Variants in ZNF808 observed in about 807,000 individuals in gnomAD.
The protein encoded by ZNF808 is zinc finger protein 808.
Under a neutral mutation model 8.7 loss-of-function variants are expected in ZNF808, and 5 were observed. The ratio of observed to expected loss-of-function variants is 0.58; its 90% CI spans 0.30 to 1.21. The LOEUF is 1.21. Among genes scored for constraint, ZNF808 ranks in the 50% most tolerant of loss-of-function variants. ZNF808 has a pLI of 0.07. For synonymous variants in ZNF808, 380 were observed against 366.0 expected, an observed-to-expected ratio of 1.04 and a Z score of -0.44; for missense variants, 1,103 against 1,098.4, an observed-to-expected ratio of 1.00 and a Z score of -0.06.
chr19:52,550,531 ATT>A (rs35082576), intron 4 of ZNF808, among the ~76,000 whole-genome samples: 35 of 142,390 alleles, frequency 2.5e-4, no homozygotes, highest in Admixed American at 2.8e-4. Context: ...TGTCCGGGCT[ATT>A]TTTTTTTTTT....
At chr19:52,532,541 G>C (rs422195) in intron 1 of ZNF808, among the ~76,000 whole-genome samples, 48,330 of 152,030 alleles carry the variant, frequency 0.32, 8,418 homozygotes, top group East Asian at 0.5. Flanking sequence ...TTTGTGTACA[G>C]TAGATATTGT....
chr19:52,536,519 G>T (rs1400802559), intron 2 of ZNF808, among the ~76,000 whole-genome samples: 4 of 152,104 alleles, frequency 2.6e-5, no homozygotes, highest in East Asian at 3.9e-4. Context: ...CCCCCTCGTG[G>T]TGGGCCCTGC....
downstream of ZNF808, among the ~76,000 whole-genome samples, chr19:52,560,942 G>A (rs1174433915): frequency 2.0e-5 from 3 of 151,890 alleles, no homozygotes; most frequent in Non-Finnish European, 4.4e-5. Flanking sequence ...ATTTCCCCAT[G>A]AGCCCCTCCC....
At position 52,554,248 on chromosome 19, in the gene ZNF808, A is replaced by G. The variant is rs1449193369; in HGVS notation, c.1332A>G (p.Arg444=). 2 of 1,613,636 alleles carry G rather than the reference A, an allele frequency of 1.2e-6. No homozygotes were observed. Among genetic ancestry groups the G allele is most frequent in the Non-Finnish European group, 1.7e-6 (2 of 1,179,694 alleles). Residue 444 remains arginine (R), a synonymous_variant, in exon 5 of 5, where the codon AGA becomes AGG. Transcript: ENST00000359798. ...TCAGTCAGAAATCAACCCTTGAGAG[A>G]CATAAGAGAATTCATACTGGAGAGA... ...KVFSQKSTLE[R]HKRIHTGEKP... is the part of the protein sequence containing the mutation.
intron 3 of ZNF808, among the ~76,000 whole-genome samples, chr19:52,543,565 A>G (rs1300918526): frequency 6.6e-6 from 1 of 152,172 alleles, no homozygotes; most frequent in African/African-American, 2.4e-5. Flanking sequence ...GAACTTGGGA[A>G]GAGGCTCCAC....
chr19:52,555,968 T>G lies in ZNF808; in HGVS notation c.*340T>G, dbSNP rs779607276. 2.0e-5 allele frequency: 13 copies of G among 638,182 alleles called. No individual in the cohort carries two copies. The highest frequency in any genetic ancestry group is 3.6e-5 in the Non-Finnish European group (12 of 331,806). The allele number at this position is 638,182 out of a possible 1,614,324, so 39.5% of individuals were successfully genotyped here. A position where few individuals can be genotyped will look rare whatever the true frequency, so the allele number is the denominator to read the frequency against. ...CTGGACAGAAATCTTGCAAATGTCA[T>G]CAGTGTGGCAAGGTCTTCAGTCCGA... On this transcript the variant is annotated 3_prime_UTR_variant, in exon 5 of 5. Transcript: ENST00000359798.
Position 52,554,692 on chromosome 19 carries a change from G to T in ZNF808, c.1776G>T (p.Glu592Asp), listed in dbSNP as rs2059816607. ...GTCATCGTAGACTTCATACTGGAGA[G>T]AAACCTTACAAATGTGAAGCATGTG... ...LSRHRRLHTG[E>D]KPYKCEACDK... Residue 592 changes from glutamate to aspartate, a missense_variant, in exon 5 of 5, where the codon GAG becomes GAT. Glu to Asp is a conservative substitution (Grantham distance 45). Coordinates refer to ENST00000359798, the MANE Select transcript of ZNF808 (RefSeq NM_001039886.4). The T allele has an allele frequency of 6.2e-7, 1 of 1,614,028 alleles. No homozygotes were observed. The highest frequency in any genetic ancestry group is 8.5e-7 in the Non-Finnish European group (1 of 1,179,958).
chr19:52,535,174 AC>A (rs1309554087), intron 2 of ZNF808, among the ~76,000 whole-genome samples: 11 of 151,590 alleles, frequency 7.3e-5, no homozygotes, highest in African/African-American at 2.4e-4. Flanking sequence ...TACTAAAAAT[AC>A]AAAAAATTAG....
At chr19:52,543,480 A>G (rs779514847) in intron 3 of ZNF808, 133 bp downstream of exon 3, 54 of 1,325,114 alleles carry the variant, frequency 4.1e-5, no homozygotes, top group South Asian at 5.8e-5. Flanking sequence ...TGACACGTTC[A>G]CTTGCACTCA....
At chr19:52,545,909 C>T (rs1203268539) in intron 3 of ZNF808, among the ~76,000 whole-genome samples, 1 of 152,098 alleles carries the variant, frequency 6.6e-6, no homozygotes, top group African/African-American at 2.4e-5. Flanking sequence ...CTAGATAAAC[C>T]CGTGTCAGTT....
At chr19:52,540,944 TTTTGTTTG>T (rs1306898355) in intron 2 of ZNF808, among the ~76,000 whole-genome samples, 1 of 152,006 alleles carries the variant, frequency 6.6e-6, no homozygotes, top group East Asian at 1.9e-4. Context: ...GTCCTGGAAT[TTTTGTTTG>T]TTTGTTTGTT....
intron 1 of ZNF808, among the ~76,000 whole-genome samples, chr19:52,529,577 T>C (rs889967998): frequency 7.2e-5 from 11 of 152,200 alleles, no homozygotes; most frequent in Admixed American, 5.2e-4. Context: ...GAGGTTATGT[T>C]CCACTTGGAA....
downstream of ZNF808, among the ~76,000 whole-genome samples, chr19:52,567,668 G>A (rs1041991379): frequency 1.8e-4 from 28 of 151,632 alleles, no homozygotes; most frequent in African/African-American, 6.8e-4. Flanking sequence ...GGGACTACAG[G>A]CTCATGCCAC....
At chr19:52,544,694 G>C (rs1391846640) in intron 3 of ZNF808, among the ~76,000 whole-genome samples, 1 of 151,984 alleles carries the variant, frequency 6.6e-6, no homozygotes, top group East Asian at 1.9e-4. Flanking sequence ...ATCAAAGCTT[G>C]CTTTAGCCTT....
chr19:52,539,184 A>ATTTTTTTTTTTTTT (rs3049209), intron 2 of ZNF808, among the ~76,000 whole-genome samples: 1 of 117,754 alleles, frequency 8.5e-6, no homozygotes, highest in Non-Finnish European at 1.8e-5. Context: ...TCTTCATTTC[A>ATTTTTTTTTTTTTT]TTTTTTTTTT....
In ZNF808 at chr19:52,543,292, G is replaced by T; in HGVS notation, c.8G>T (p.Arg3Leu). 1 of 1,613,654 alleles carries T rather than the reference G, an allele frequency of 6.2e-7. No homozygotes were observed. Among genetic ancestry groups the T allele is most frequent in the Non-Finnish European group, 8.5e-7 (1 of 1,179,770 alleles). Residue 3 changes from arginine to leucine, a missense_variant, in exon 3 of 5, where the codon CGT (arginine) becomes CTT (leucine). Transcript: ENST00000359798. Reference sequence around the variant, plus strand: ...ATTGATTTCTAAAGACTCATGTTACGTGAGGAAGCAGCTCAGAAGAGGAAA... The same window carrying T: ...ATTGATTTCTAAAGACTCATGTTACTTGAGGAAGCAGCTCAGAAGAGGAAA... The part of the protein sequence containing the change: ML[R>L]EEAAQKRKGK...
rs2059804052 is a variant in ZNF808 at position 52,553,879 on chromosome 19, C to G, written c.963C>G (p.Gly321=). The change falls in exon 5 of 5, where the codon GGC becomes GGG. Residue 321 remains glycine (G), a synonymous_variant. Transcript: ENST00000359798. ...GVKPYKCNEC[G]KVFRQNSALV... ...AACCTTACAAGTGTAATGAGTGTGG[C>G]AAGGTCTTTCGTCAAAATTCAGCCC... 12 of 1,613,858 alleles carry G rather than the reference C, an allele frequency of 7.4e-6. No individual in the cohort carries two copies. Among genetic ancestry groups the G allele is most frequent in the Non-Finnish European group, 9.3e-6 (11 of 1,180,008 alleles).
chr19:52,553,976 C>A lies in ZNF808; in HGVS notation c.1060C>A (p.Gln354Lys), dbSNP rs2059805445. ...TAATGAATGTGGCAAGGCTTTTAAT[C>A]AACAATCACACCTTTCACGCCATCA... ...KCNECGKAFN[Q>K]QSHLSRHQRL... The change falls in exon 5 of 5, where the codon CAA (glutamine) becomes AAA (lysine). Residue 354 changes from glutamine to lysine, a missense_variant. Gln to Lys is a moderately conservative substitution (Grantham distance 53). Coordinates refer to ENST00000359798, the MANE Select transcript of ZNF808 (RefSeq NM_001039886.4). The A allele has an allele frequency of 6.2e-7, 1 of 1,614,044 alleles. No individual in the cohort carries two copies. The highest frequency in any genetic ancestry group is 8.5e-7 in the Non-Finnish European group (1 of 1,180,000).
rs1908556031 is a variant in ZNF808 at position 52,538,213 on chromosome 19, G to A, written c.-19-5053G>A. Among the ~76,000 whole-genome samples, 4 of 146,242 alleles carry A rather than the reference G, an allele frequency of 2.7e-5. No homozygotes were observed. In the South Asian group the frequency reaches 8.8e-4, roughly 32 times the overall value. On this transcript the variant is annotated intron_variant, in intron 2 of 4. Transcript: ENST00000359798. ...CTTTGTTTGTTTTTTTGTAGAAACA[G>A]GGTTTCAGTATGTTTCCCGGGGTGG...
Sources: allele counts gnomAD v4.1 joint callset (sites outside exome capture counted in the v4.1 genomes callset), GRCh38; gene constraint gnomAD v4.1.1; transcripts MANE v1.5; gene names NCBI Gene and HGNC (gene_info 2026-07-23, HGNC 2026-07-21).